The following BMP3 variants were observed in gnomAD, a reference collection of about 807,000 sequenced individuals.
BMP3 encodes the protein bone morphogenetic protein 3, also known as bone morphogenetic protein 3 (osteogenic).
In BMP3, 23 loss-of-function variants were observed where a neutral mutation model predicts 38.1. That is an observed-to-expected ratio of 0.60 (90% CI 0.43 to 0.86). The LOEUF is 0.86. BMP3 is among the 40% of genes least tolerant of loss of function. The pLI, the probability that BMP3 is intolerant of heterozygous loss-of-function variation, is 0.00. For missense variants in BMP3, 628 were observed against 579.6 expected, an observed-to-expected ratio of 1.08 and a Z score of -0.86; for synonymous variants, 258 against 225.7, an observed-to-expected ratio of 1.14 and a Z score of -1.28.
chr4:81,046,387 G>A lies in BMP3; in HGVS notation c.966G>A (p.Lys322=), dbSNP rs1467974309. 3 of 1,613,792 alleles carry A rather than the reference G, an allele frequency of 1.9e-6. No individual in the cohort carries two copies. The highest frequency in any genetic ancestry group is 3.3e-5 in the Admixed American group (2 of 59,930). Residue 322 remains lysine (K), a synonymous_variant, in exon 2 of 3, where the codon AAG becomes AAA. Transcript: ENST00000282701. ...DEVWEERKPY[K]TLQAQAPEKS... ...TGTGGGAGGAGAGAAAGCCTTACAA[G>A]ACCCTTCAGGCTCAGGCCCCTGAAA...
At chr4:81,037,466 A>G (rs570386687) in intron 1 of BMP3, 2 of 167,642 alleles carry the variant, frequency 1.2e-5, no homozygotes, top group Non-Finnish European at 2.7e-5. Flanking sequence ...TAATATTGCT[A>G]TTCTCAGTTT....
rs1459129861 is a variant in BMP3, at chr4:81,056,098, G to C, written c.*2562G>C. The C allele has an allele frequency of 3.9e-5, 6 of 152,058 alleles. No homozygotes were observed. The highest frequency in any genetic ancestry group is 1.4e-4 in the African/African-American group (6 of 41,412). The allele number at this position is 152,058 out of a possible 1,614,324, so 9.4% of individuals were successfully genotyped here. Reference sequence around the variant, plus strand: ...TAAGAGTAGTTAGAAAATTTAGTAAGTGCCTGTTTTACAAATTGTTAGGTA... The same window carrying C: ...TAAGAGTAGTTAGAAAATTTAGTAACTGCCTGTTTTACAAATTGTTAGGTA... On this transcript the variant is annotated 3_prime_UTR_variant, in exon 3 of 3. Transcript: ENST00000282701.
chr4:81,040,003 G>A (rs564822592), intron 1 of BMP3, among the ~76,000 whole-genome samples: 4 of 152,232 alleles, frequency 2.6e-5, no homozygotes, highest in South Asian at 2.1e-4. Flanking sequence ...GAGAAAAATC[G>A]TGGGTAGAGA....
rs1341106142 is a variant in BMP3 at position 81,053,911 on chromosome 4, A to G, written c.*375A>G. 1 of 154,930 alleles carries G rather than the reference A, an allele frequency of 6.5e-6. No homozygotes were observed. Among genetic ancestry groups the G allele is most frequent in the Admixed American group, 6.5e-5 (1 of 15,324 alleles). 9.6% of individuals were successfully genotyped at this position (154,930 alleles called of 1,614,324 possible). ...TTGTCATTTATCTCATTTAATGACTAATGGGAAATAGAGAACAATTTCGCG... is the reference window on the plus strand; with the variant it reads ...TTGTCATTTATCTCATTTAATGACTGATGGGAAATAGAGAACAATTTCGCG... On this transcript the variant is annotated 3_prime_UTR_variant, in exon 3 of 3. Transcript: ENST00000282701.
intron 1 of BMP3, among the ~76,000 whole-genome samples, chr4:81,045,353 T>C (rs377526797): frequency 5.1e-4 from 78 of 152,314 alleles, no homozygotes; most frequent in African/African-American, 1.8e-3. Context: ...ATGTTCTGGA[T>C]ACTAGATTTA....
At chr4:81,037,390 C>T (rs1401999065) in intron 1 of BMP3, 2 of 251,448 alleles carry the variant, frequency 8.0e-6, no homozygotes, top group Admixed American at 4.6e-5. Context: ...TTTTCTATTA[C>T]CTAAAGCTAA....
rs756167707 is a variant in BMP3 at position 81,046,792 on chromosome 4, T to A, written c.1227+144T>A. ...TCCATTGGGACCCTTATTTACTACA[T>A]TCTAAACCATAATAGGTAATATGGT... On this transcript the variant is annotated intron_variant, in intron 2 of 2. Transcript: ENST00000282701. 5.4e-4 allele frequency: 475 copies of A among 881,696 alleles called. 1 individual carries two copies. The highest frequency in any genetic ancestry group is 1.5e-3 in the Admixed American group (57 of 38,974). 54.6% of individuals were successfully genotyped at this position (881,696 alleles called of 1,614,324 possible). A position where few individuals can be genotyped will look rare whatever the true frequency, so the allele number is the denominator to read the frequency against.
At chr4:81,052,563 C>T (rs1740423507) in intron 2 of BMP3, among the ~76,000 whole-genome samples, 1 of 152,248 alleles carries the variant, frequency 6.6e-6, no homozygotes, top group South Asian at 2.1e-4. Flanking sequence ...TAACTTTAGG[C>T]CCTCATAATT....
chr4:81,055,927 C>T lies in BMP3; in HGVS notation c.*2391C>T, dbSNP rs148511432. On this transcript the variant is annotated 3_prime_UTR_variant, in exon 3 of 3. Transcript: ENST00000282701. ...TTTTAACCAGCAGTTTTTCTGGGTGCTTTGTAACTATCATTTTACTAATGA... is the reference window on the plus strand; with the variant it reads ...TTTTAACCAGCAGTTTTTCTGGGTGTTTTGTAACTATCATTTTACTAATGA... 6.6e-6 allele frequency: 1 copy of T among 152,186 alleles called. No individual in the cohort carries two copies. Among genetic ancestry groups the T allele is most frequent in the African/African-American group, 2.4e-5 (1 of 41,546 alleles). 9.4% of individuals were successfully genotyped at this position (152,186 alleles called of 1,614,324 possible). A position where few individuals can be genotyped will look rare whatever the true frequency, so the allele number is the denominator to read the frequency against.
intron 1 of BMP3, among the ~76,000 whole-genome samples, chr4:81,038,906 A>G (rs563023228): frequency 2.6e-5 from 4 of 152,246 alleles, no homozygotes; most frequent in African/African-American, 9.6e-5. Flanking sequence ...GCAGAGGCTA[A>G]GAGTAGATAA....
At position 81,053,604 on chromosome 4, in the gene BMP3, T is replaced by TTG; in HGVS notation, c.*69_*70insGT. 34 of 575,324 alleles carry TTG rather than the reference T, an allele frequency of 5.9e-5. No homozygotes were observed. Among genetic ancestry groups the TTG allele is most frequent in the Non-Finnish European group, 8.5e-5 (34 of 402,218 alleles). 35.6% of individuals were successfully genotyped at this position (575,324 alleles called of 1,614,324 possible). A position where few individuals can be genotyped will look rare whatever the true frequency, so the allele number is the denominator to read the frequency against. On this transcript the variant is annotated 3_prime_UTR_variant, in exon 3 of 3. Coordinates refer to ENST00000282701, the MANE Select transcript of BMP3 (RefSeq NM_001201.5). Reference sequence around the variant, plus strand: ...TTATTTTTATGGACTTCTTCCTGTTTTTTTTTTTTTTTTTTTTGCACTGCC... The same window carrying TTG: ...TTATTTTTATGGACTTCTTCCTGTTTTGTTTTTTTTTTTTTTTTTGCACTGCC...
intron 2 of BMP3, among the ~76,000 whole-genome samples, chr4:81,050,006 G>A (rs1740365217): frequency 6.6e-6 from 1 of 152,160 alleles, no homozygotes; most frequent in African/African-American, 2.4e-5. Flanking sequence ...TGCAAAAGTT[G>A]ACAACCTGTT....
In BMP3 at chr4:81,046,592, C is replaced by T. The variant is rs1740256446; in HGVS notation, c.1171C>T (p.Pro391Ser). The change falls in exon 2 of 3, where the codon CCC becomes TCC. Residue 391 changes from proline (P) to serine (S), a missense_variant. By Grantham distance (74) the Pro-to-Ser change is moderately conservative. Coordinates refer to ENST00000282701, the MANE Select transcript of BMP3 (RefSeq NM_001201.5). ...DIGWSEWIIS[P>S]KSFDAYYCSG... is the part of the protein sequence containing the mutation. ...TGGCTGGAGTGAATGGATTATCTCCCCCAAGTCCTTTGATGCCTATTATTG... is the reference window on the plus strand; with the variant it reads ...TGGCTGGAGTGAATGGATTATCTCCTCCAAGTCCTTTGATGCCTATTATTG... The T allele has an allele frequency of 1.2e-6, 2 of 1,614,036 alleles. No homozygotes were observed. Among genetic ancestry groups the T allele is most frequent in the Non-Finnish European group, 1.7e-6 (2 of 1,179,988 alleles).
At chr4:81,052,418 C>T (rs1560514500) in intron 2 of BMP3, among the ~76,000 whole-genome samples, 1 of 152,152 alleles carries the variant, frequency 6.6e-6, no homozygotes, top group South Asian at 2.1e-4. Context: ...GTACTTTTAG[C>T]TAGAGCAGAG....
chr4:81,046,597 G>A lies in BMP3; in HGVS notation c.1176G>A (p.Lys392=), dbSNP rs1259522130. ...GGAGTGAATGGATTATCTCCCCCAA[G>A]TCCTTTGATGCCTATTATTGCTCTG... ...IGWSEWIISP[K]SFDAYYCSGA... is the part of the protein sequence containing the mutation. Residue 392 remains lysine, a synonymous_variant, in exon 2 of 3, where the codon AAG becomes AAA. Coordinates refer to ENST00000282701, the MANE Select transcript of BMP3 (RefSeq NM_001201.5). 6.2e-7 allele frequency: 1 copy of A among 1,613,920 alleles called. No homozygotes were observed. The highest frequency in any genetic ancestry group is 2.2e-5 in the East Asian group (1 of 44,882).
At chr4:81,048,295 C>T (rs771474656) in intron 2 of BMP3, among the ~76,000 whole-genome samples, 2 of 152,198 alleles carry the variant, frequency 1.3e-5, no homozygotes, top group Non-Finnish European at 2.9e-5. Flanking sequence ...GTGTGGCTTG[C>T]CTTGTGGCAT....
At position 81,031,363 on chromosome 4, in the gene BMP3, C is replaced by T; in HGVS notation, c.79C>T (p.Pro27Ser). Reference sequence around the variant, plus strand: ...CCTGGCGCAGGGAGAGAGACCGAAGCCACCTTTCCCGGAGCTCCGCAAAGC... The same window carrying T: ...CCTGGCGCAGGGAGAGAGACCGAAGTCACCTTTCCCGGAGCTCCGCAAAGC... ...VSLAQGERPK[P>S]PFPELRKAVP... The change falls in exon 1 of 3, where the codon CCA (proline) becomes TCA (serine). Residue 27 changes from proline to serine, a missense_variant. Physicochemically the swap from Pro to Ser is moderately conservative, Grantham distance 74 (BLOSUM62 -1). Transcript: ENST00000282701. 1.2e-6 allele frequency: 2 copies of T among 1,613,112 alleles called. No homozygotes were observed.
At chr4:81,034,427 G>GC (rs746149195) in intron 1 of BMP3, among the ~76,000 whole-genome samples, 7 of 152,016 alleles carry the variant, frequency 4.6e-5, no homozygotes, top group Admixed American at 2.6e-4. Context: ...GTTGTCTCTG[G>GC]CTACTATATG....
intron 1 of BMP3, 114 bp downstream of exon 1, chr4:81,031,714 T>G: frequency 7.9e-7 from 1 of 1,264,792 alleles, no homozygotes; most frequent in Non-Finnish European, 1.1e-6. Flanking sequence ...GGGACCTTTC[T>G]CCGCCCTCCT....
Sources: gnomAD v4.1 joint callset for allele counts (sites outside exome capture counted in the v4.1 genomes callset) on GRCh38, gnomAD v4.1.1 for gene constraint, MANE v1.5 for transcripts, NCBI Gene and HGNC (gene_info 2026-07-23, HGNC 2026-07-21) for gene names.